FAT3: variants seen among roughly 807,000 people sequenced by gnomAD.
The protein encoded by FAT3 is FAT atypical cadherin 3.
In FAT3, 95 loss-of-function variants were observed where a neutral mutation model predicts 310.2. The ratio of observed to expected loss-of-function variants is 0.31; its 90% CI spans 0.26 to 0.36. The LOEUF is 0.36. FAT3 is among the 10% of genes least tolerant of loss of function. The pLI is 1.00. For missense variants in FAT3, 5,408 were observed against 5,715.6 expected (o/e 0.95, Z 1.74); for synonymous variants, 2,314 against 2,192.9 (o/e 1.06, Z -1.54).
At chr11:92,364,189 A>T (rs1483351660) in intron 2 of FAT3, among the ~76,000 whole-genome samples, 1 of 152,194 alleles carries the variant, frequency 6.6e-6, no homozygotes, top group Non-Finnish European at 1.5e-5. Context: ...TTTTCTCTGT[A>T]TGCAATCTTC....
intron 2 of FAT3, 78 bp from the exon 3 acceptor site, chr11:92,524,556 A>T: frequency 7.3e-7 from 1 of 1,373,654 alleles, no homozygotes. Flanking sequence ...TATTTAGTGT[A>T]GTCCTTTGGA....
chr11:92,576,400 G>A (rs1166039264), intron 3 of FAT3, among the ~76,000 whole-genome samples: 2 of 152,280 alleles, frequency 1.3e-5, no homozygotes, highest in African/African-American at 2.4e-5. Context: ...TACATCACAA[G>A]TAAATTGATA....
At chr11:92,455,897 A>G (rs142741210) in intron 2 of FAT3, among the ~76,000 whole-genome samples, 6 of 152,296 alleles carry the variant, frequency 3.9e-5, no homozygotes, top group Non-Finnish European at 8.8e-5. Context: ...CAACATGAAA[A>G]AGCTTCTTAG....
intron 19 of FAT3, among the ~76,000 whole-genome samples, chr11:92,847,494 C>T (rs1486136823): frequency 1.3e-5 from 2 of 152,124 alleles, no homozygotes. Context: ...CAATTCATGA[C>T]CGTAATGTGA....
intron 3 of FAT3, among the ~76,000 whole-genome samples, chr11:92,691,263 A>T (rs1166167222): frequency 6.6e-6 from 1 of 152,204 alleles, no homozygotes; most frequent in Non-Finnish European, 1.5e-5. Context: ...CCAGTTATTG[A>T]CAGAGCCGAT....
intron 7 of FAT3, among the ~76,000 whole-genome samples, chr11:92,776,183 C>T (rs537461049): frequency 2.0e-5 from 3 of 152,098 alleles, no homozygotes; most frequent in Non-Finnish European, 4.4e-5. Flanking sequence ...AGTTTCATAC[C>T]AGTTGAATTA....
rs373694279 is a variant in FAT3, at chr11:92,831,756, C to T, written c.9616C>T (p.Arg3206Trp). ...GCAGTCTTCGTACAACATCAGCGTG[C>T]GGGCCACTGACCAGAGTCCTGGACA... ...EQQSSYNISV[R>W]ATDQSPGQSL... Residue 3206 changes from arginine to tryptophan, a missense_variant, in exon 14 of 28, where the codon CGG (arginine) becomes TGG (tryptophan). Around this residue, in one of 5 missense-constraint regions of FAT3, gnomAD observed 4,588 missense variants for 4,809.8 expected, o/e 0.95. Transcript: ENST00000525166. 56 of 1,613,358 alleles carry T rather than the reference C, an allele frequency of 3.5e-5. No individual in the cohort carries two copies. The highest frequency in any genetic ancestry group is 2.1e-4 in the African/African-American group (16 of 75,016).
chr11:92,593,863 G>A (rs1939568944), intron 3 of FAT3, among the ~76,000 whole-genome samples: 1 of 152,140 alleles, frequency 6.6e-6, no homozygotes, highest in Non-Finnish European at 1.5e-5. Flanking sequence ...TTATAATGAG[G>A]TATGGCAAAT....
At chr11:92,792,682 A>G in intron 8 of FAT3, 85 bp from the exon 9 acceptor site, 2 of 1,353,298 alleles carry the variant, frequency 1.5e-6, no homozygotes, top group Non-Finnish European at 1.0e-6. Flanking sequence ...GCATTATTTC[A>G]TTTTGTTTTC....
At chr11:92,871,412 A>G (rs1233307933) in intron 22 of FAT3, among the ~76,000 whole-genome samples, 1 of 152,116 alleles carries the variant, frequency 6.6e-6, no homozygotes, top group Non-Finnish European at 1.5e-5. Context: ...CCCCAAATCC[A>G]CTGAATCGGA....
chr11:92,398,218 G>C (rs573694391), intron 2 of FAT3, among the ~76,000 whole-genome samples: 2 of 152,200 alleles, frequency 1.3e-5, no homozygotes, highest in South Asian at 2.1e-4. Context: ...GTCTGTCTCT[G>C]TCTAAATGTC....
chr11:92,293,064 GGAAGGA>G (rs1946736049), intron 1 of FAT3, among the ~76,000 whole-genome samples: 1 of 120,424 alleles, frequency 8.3e-6, no homozygotes, highest in African/African-American at 3.6e-5. Flanking sequence ...AAGGAAGGAA[GGAAGGA>G]AGGAAGGAAA....
chr11:92,563,450 A>G (rs1023026570), intron 3 of FAT3, among the ~76,000 whole-genome samples: 1 of 152,190 alleles, frequency 6.6e-6, no homozygotes, highest in Admixed American at 6.6e-5. Flanking sequence ...AACTTCAGAC[A>G]CTACCAGGTT....
intron 2 of FAT3, among the ~76,000 whole-genome samples, chr11:92,436,683 C>G (rs1950947106): frequency 6.6e-6 from 1 of 152,142 alleles, no homozygotes; most frequent in African/African-American, 2.4e-5. Flanking sequence ...AAAGCAAGGT[C>G]TCATCAAGAC....
chr11:92,412,732 T>TATATATATACATACAC (rs1565296342), intron 2 of FAT3, among the ~76,000 whole-genome samples: 3 of 17,954 alleles, frequency 1.7e-4, no homozygotes, highest in African/African-American at 2.1e-4. Flanking sequence ...TATATATATA[T>TATATATATACATACAC]ATATATATAT....
intron 1 of FAT3, among the ~76,000 whole-genome samples, chr11:92,235,283 C>A (rs1056568581): frequency 6.6e-6 from 1 of 152,162 alleles, no homozygotes; most frequent in Admixed American, 6.5e-5. Flanking sequence ...TCTCTCCCAA[C>A]CCTCTCTAGT....
intron 1 of FAT3, among the ~76,000 whole-genome samples, chr11:92,296,308 C>T (rs536651046): frequency 7.0e-4 from 106 of 152,168 alleles, no homozygotes; most frequent in Middle Eastern, 3.4e-3. Flanking sequence ...TGGCCTTAAG[C>T]AAGTAACATA....
At chr11:92,565,877 G>A (rs1955419625) in intron 3 of FAT3, among the ~76,000 whole-genome samples, 1 of 152,060 alleles carries the variant, frequency 6.6e-6, no homozygotes, top group Non-Finnish European at 1.5e-5. Context: ...GGTATTGATG[G>A]GACGTATCTC....
At chr11:92,442,097 A>ATTTTTTTT (rs1565320021) in intron 2 of FAT3, among the ~76,000 whole-genome samples, 2 of 45,826 alleles carry the variant, frequency 4.4e-5, no homozygotes, top group African/African-American at 2.0e-4. Flanking sequence ...ATATATATAT[A>ATTTTTTTT]TATATATATA....
Sources: gnomAD v4.1 joint callset for allele counts (sites outside exome capture counted in the v4.1 genomes callset) on GRCh38, gnomAD v4.1.1 for gene constraint, gnomAD v4.1.1 regional missense constraint, MANE v1.5 for transcripts, NCBI Gene and HGNC (gene_info 2026-07-23, HGNC 2026-07-21) for gene names.